The following DNM1L variants were observed in gnomAD, a reference collection of about 807,000 sequenced individuals.
The protein encoded by DNM1L is dynamin-1-like protein.
A neutral mutation model predicts 92.8 loss-of-function variants in DNM1L; 33 were observed. That is an observed-to-expected ratio of 0.36 (90% confidence interval 0.27 to 0.48). The LOEUF (loss-of-function observed/expected upper bound fraction) is 0.48. DNM1L is among the 20% of genes least tolerant of loss of function. DNM1L has a pLI of 0.99. For synonymous variants in DNM1L, 284 were observed against 305.0 expected (o/e 0.93, Z 0.72); for missense variants, 485 against 888.8 (o/e 0.55, Z 5.78).
chr12:32,703,166 T>C (rs891365517), intron 2 of DNM1L, among the ~76,000 whole-genome samples: 1 of 152,004 alleles, frequency 6.6e-6, no homozygotes, highest in South Asian at 2.1e-4. Flanking sequence ...TTAGATAAAA[T>C]TGTGCTTGTT....
At chr12:32,737,667 A>G in intron 14 of DNM1L, 198 bp from the exon 15 acceptor site, 1 of 559,128 alleles carries the variant, frequency 1.8e-6, no homozygotes, top group South Asian at 2.1e-5. Flanking sequence ...TTTCTTATGT[A>G]TTCATCTGAA....
intron 19 of DNM1L, among the ~76,000 whole-genome samples, chr12:32,743,029 G>A (rs999626595): frequency 2.0e-5 from 3 of 150,994 alleles, no homozygotes; most frequent in African/African-American, 7.3e-5. Flanking sequence ...CCGAGTAGCT[G>A]GGACTACAGG....
At chr12:32,701,654 G>T in intron 2 of DNM1L, 92 bp downstream of exon 2, 1 of 1,181,830 alleles carries the variant, frequency 8.5e-7, no homozygotes, top group Admixed American at 1.8e-5. Context: ...TTAGAAATTA[G>T]TGACTGTAGC....
intron 1 of DNM1L, 83 bp downstream of exon 1, chr12:32,679,548 C>A (rs1490610255): frequency 2.3e-5 from 33 of 1,451,390 alleles, no homozygotes; most frequent in Non-Finnish European, 3.0e-5. Flanking sequence ...ACTCCCGCGC[C>A]AGCGCCCACT....
Position 32,742,768 on chromosome 12 carries a change from T to TTTTTATA in DNM1L, c.2154+21_2154+27dup. 2 of 1,614,010 alleles carry TTTTTATA rather than the reference T, an allele frequency of 1.2e-6. No individual in the cohort carries two copies. The highest frequency in any genetic ancestry group is 1.7e-6 in the Non-Finnish European group (2 of 1,179,984). ...CTAAAGGTATTGTGGACCTTTTGAT[T>TTTTTATA]TTTTATACTTGGGTAGTAGATAGAA... On this transcript the variant is annotated intron_variant, in intron 19 of 19. Transcript: ENST00000549701.
At chr12:32,687,636 T>C (rs1952072648) in intron 1 of DNM1L, among the ~76,000 whole-genome samples, 1 of 151,732 alleles carries the variant, frequency 6.6e-6, no homozygotes, top group African/African-American at 2.4e-5. Flanking sequence ...TTTTAGTAGA[T>C]ACGGGGTTTT....
chr12:32,724,576 CAAAA>C (rs10535838), intron 9 of DNM1L, among the ~76,000 whole-genome samples: 278 of 95,890 alleles, frequency 2.9e-3, no homozygotes, highest in African/African-American at 3.5e-3. Flanking sequence ...ACTCTATCTC[CAAAA>C]AAAAAAAAAA....
At chr12:32,696,316 C>T (rs576124822) in intron 1 of DNM1L, among the ~76,000 whole-genome samples, 14 of 151,864 alleles carry the variant, frequency 9.2e-5, no homozygotes, top group South Asian at 8.3e-4. Flanking sequence ...GTGGGGGTAT[C>T]GCTTGAGCCC....
At chr12:32,680,838 T>C (rs1951776110) in intron 1 of DNM1L, among the ~76,000 whole-genome samples, 1 of 152,210 alleles carries the variant, frequency 6.6e-6, no homozygotes, top group Non-Finnish European at 1.5e-5. Flanking sequence ...TAACCTGTTT[T>C]TGTAAAAAGT....
chr12:32,733,927 G>A (rs1954717024), intron 13 of DNM1L, 120 bp downstream of exon 13: 1 of 856,076 alleles, frequency 1.2e-6, no homozygotes, highest in Non-Finnish European at 1.9e-6. Flanking sequence ...AGTGCCTGCT[G>A]CATGTCAGGA....
At chr12:32,733,156 AT>A (rs1954667187) in intron 12 of DNM1L, among the ~76,000 whole-genome samples, 1 of 152,216 alleles carries the variant, frequency 6.6e-6, no homozygotes, top group African/African-American at 2.4e-5. Flanking sequence ...GGATAAATTA[AT>A]TTTAACTTTT....
intron 4 of DNM1L, among the ~76,000 whole-genome samples, 160 bp downstream of exon 4, chr12:32,708,384 C>G (rs1472071070): frequency 6.6e-6 from 1 of 152,182 alleles, no homozygotes; most frequent in East Asian, 1.9e-4. Flanking sequence ...GACTTTGAAA[C>G]AAATGGAGTA....
Position 32,745,544 on chromosome 12 carries a change from G to A in DNM1L, c.*2134G>A, listed in dbSNP as rs1471259940. 1 of 152,258 alleles carries A rather than the reference G, an allele frequency of 6.6e-6. No individual in the cohort carries two copies. Among genetic ancestry groups the A allele is most frequent in the African/African-American group, 2.4e-5 (1 of 41,454 alleles). 9.4% of individuals were successfully genotyped at this position (152,258 alleles called of 1,614,324 possible). A position where few individuals can be genotyped will look rare whatever the true frequency, so the allele number is the denominator to read the frequency against. On this transcript the variant is annotated 3_prime_UTR_variant, in exon 20 of 20. Coordinates refer to ENST00000549701, the MANE Select transcript of DNM1L (RefSeq NM_012062.5). Reference sequence around the variant, plus strand: ...GTAAATAAAATTGCTGGTATGAAATGACACTAAAGTTTGTCAAAAAATGAA... The same window carrying A: ...GTAAATAAAATTGCTGGTATGAAATAACACTAAAGTTTGTCAAAAAATGAA...
intron 15 of DNM1L, 23 bp downstream of exon 15, chr12:32,737,965 A>G: frequency 1.9e-6 from 3 of 1,610,354 alleles, no homozygotes; most frequent in Non-Finnish European, 2.5e-6. Flanking sequence ...TCTTAATCTA[A>G]GCCTGCATGC....
Position 32,733,445 on chromosome 12 carries a change from CTAAGAG to C in DNM1L, c.1447-266_1447-261del, listed in dbSNP as rs1260662224. 2.6e-4 allele frequency: 98 copies of C among 380,678 alleles called. 1 individual carries two copies. The East Asian group carries it at 4.8e-3, about 19-fold the overall frequency. 23.6% of individuals were successfully genotyped at this position (380,678 alleles called of 1,614,324 possible). A position where few individuals can be genotyped will look rare whatever the true frequency, so the allele number is the denominator to read the frequency against. ...GCATTAGGTAGATGACTATTTTTCC[CTAAGAG>C]TAAAATACTTGTAGTTACTTTAATG... On this transcript the variant is annotated intron_variant, in intron 12 of 19. Transcript: ENST00000549701.
Position 32,742,694 on chromosome 12 carries a change from G to C in DNM1L, c.2100G>C (p.Leu700=), listed in dbSNP as rs538451652. 6.2e-7 allele frequency: 1 copy of C among 1,614,088 alleles called. No individual in the cohort carries two copies. Among genetic ancestry groups the C allele is most frequent in the South Asian group, 1.1e-5 (1 of 91,078 alleles). The change falls in exon 19 of 20, where the codon CTG becomes CTC. Residue 700 remains leucine (L), a synonymous_variant. Coordinates refer to ENST00000549701, the MANE Select transcript of DNM1L (RefSeq NM_012062.5). ...AATCATCCTTATTGGATGATCTTCT[G>C]ACAGAATCTGAGGACATGGCACAGC... The part of the protein sequence containing the change: ...LYKSSLLDDL[L]TESEDMAQRR...
At chr12:32,739,018 C>T (rs913179389) in intron 16 of DNM1L, among the ~76,000 whole-genome samples, 2 of 152,102 alleles carry the variant, frequency 1.3e-5, no homozygotes, top group Non-Finnish European at 1.5e-5. Flanking sequence ...GCTCTCTCTC[C>T]TTAAGATTTC....
intron 2 of DNM1L, 131 bp from the exon 3 acceptor site, chr12:32,707,236 C>T (rs1952961692): frequency 3.1e-6 from 2 of 643,796 alleles, no homozygotes; most frequent in South Asian, 4.4e-5. Flanking sequence ...CCTTAAAATA[C>T]TTGTTAACTT....
chr12:32,686,201 C>G (rs1290466369), intron 1 of DNM1L, among the ~76,000 whole-genome samples: 5 of 151,948 alleles, frequency 3.3e-5, no homozygotes, highest in Non-Finnish European at 2.9e-5. Context: ...CAAGCATGTG[C>G]CATGCCTGGC....
Sources: gnomAD v4.1 joint callset for allele counts (sites outside exome capture counted in the v4.1 genomes callset) on GRCh38, gnomAD v4.1.1 for gene constraint, MANE v1.5 for transcripts, NCBI Gene and HGNC (gene_info 2026-07-23, HGNC 2026-07-21) for gene names.